Variants in CFDP1 observed in about 807,000 individuals in gnomAD.
The protein encoded by CFDP1 is chromatin remodeling protein CFDP1, also known as heterochromatin-stabilizing protein CFDP1.
Under a neutral mutation model 40.1 loss-of-function variants are expected in CFDP1, and 31 were observed. The ratio of observed to expected loss-of-function variants is 0.77; its 90% confidence interval spans 0.58 to 1.04. The LOEUF (loss-of-function observed/expected upper bound fraction) is 1.04, where lower values mean the gene tolerates loss of function less well. Among genes scored for constraint, CFDP1 ranks in the 50% least tolerant of loss-of-function variants. The pLI is 0.00. For missense variants in CFDP1, 423 were observed against 343.4 expected (o/e 1.23, Z -1.83); for synonymous variants, 167 against 120.0 (o/e 1.39, Z -2.56).
chr16:75,318,426 G>C (rs1386105298), intron 5 of CFDP1, among the ~76,000 whole-genome samples: 1 of 132,610 alleles, frequency 7.5e-6, no homozygotes, highest in Non-Finnish European at 1.6e-5. Flanking sequence ...TTTTTTTTGA[G>C]ATGAAGTCTC....
intron 5 of CFDP1, among the ~76,000 whole-genome samples, chr16:75,352,092 G>A (rs954064588): frequency 2.7e-5 from 4 of 150,440 alleles, no homozygotes; most frequent in African/African-American, 7.4e-5. Flanking sequence ...TGTAATCCCA[G>A]CACTCCGGGA....
Position 75,395,056 on chromosome 16 carries a change from C to G in CFDP1, c.650+34G>C, listed in dbSNP as rs370355535. On this transcript the variant is annotated intron_variant, in intron 5 of 6. Coordinates refer to ENST00000283882, the MANE Select transcript of CFDP1 (RefSeq NM_006324.3). ...TGCACTGAAAGCTTCTCCAACGTGC[C>G]AAGTACATCAGGGAGTGAGACTCAA... is the stretch of plus-strand genomic sequence containing the variant. 1.4e-5 allele frequency: 23 copies of G among 1,611,964 alleles called. No homozygotes were observed. In the African/African-American group the frequency reaches 2.8e-4, roughly 20 times the overall value.
chr16:75,349,220 C>G (rs2078590631), intron 5 of CFDP1, among the ~76,000 whole-genome samples: 1 of 151,968 alleles, frequency 6.6e-6, no homozygotes. Flanking sequence ...TATAGAAATA[C>G]AGTTCTTAGG....
intron 1 of CFDP1, among the ~76,000 whole-genome samples, chr16:75,424,311 C>G (rs1418144048): frequency 6.6e-6 from 1 of 152,134 alleles, no homozygotes; most frequent in Admixed American, 6.6e-5. Context: ...ACAATTAGCA[C>G]GTACAGTGTT....
At chr16:75,377,597 G>A (rs1388491237) in intron 5 of CFDP1, among the ~76,000 whole-genome samples, 1 of 152,196 alleles carries the variant, frequency 6.6e-6, no homozygotes, top group African/African-American at 2.4e-5. Flanking sequence ...GAGAAGATAT[G>A]AAAAAGACTC....
intron 5 of CFDP1, among the ~76,000 whole-genome samples, chr16:75,381,514 G>A (rs2078851965): frequency 6.6e-6 from 1 of 152,220 alleles, no homozygotes; most frequent in Non-Finnish European, 1.5e-5. Context: ...TGAGGTTGGG[G>A]CTCAACTACT....
intron 5 of CFDP1, among the ~76,000 whole-genome samples, chr16:75,368,057 T>C (rs1446288983): frequency 6.6e-6 from 1 of 152,122 alleles, no homozygotes; most frequent in Non-Finnish European, 1.5e-5. Context: ...TGAGCCAAGA[T>C]CGCACCGTGC....
intron 1 of CFDP1, among the ~76,000 whole-genome samples, chr16:75,422,184 C>G (rs1049902081): frequency 2.6e-5 from 4 of 152,084 alleles, no homozygotes; most frequent in African/African-American, 9.7e-5. Flanking sequence ...GCAACCTCTG[C>G]CTCCCGTGTT....
intron 5 of CFDP1, among the ~76,000 whole-genome samples, chr16:75,375,906 G>C (rs1188312159): frequency 6.6e-6 from 1 of 152,140 alleles, no homozygotes; most frequent in Non-Finnish European, 1.5e-5. Flanking sequence ...TTGAGGAACT[G>C]TTTGGCAGTT....
Position 75,358,782 on chromosome 16 carries a change from G to A in CFDP1, c.650+36308C>T, listed in dbSNP as rs34842690. On this transcript the variant is annotated intron_variant, in intron 5 of 6. Coordinates refer to ENST00000283882, the MANE Select transcript of CFDP1 (RefSeq NM_006324.3). ...ATCTGCTGGCAGTGATAAATTCTGA[G>A]CTTTAGAATTTTGGAAAACTTGTTG... 9.3e-3 allele frequency among the ~76,000 whole-genome samples: 1,414 copies of A among 152,212 alleles called. 13 individuals are homozygous for A. The highest frequency in any genetic ancestry group is 0.015 in the Non-Finnish European group (1,022 of 68,020).
chr16:75,376,648 C>G (rs1459099724), intron 5 of CFDP1, among the ~76,000 whole-genome samples: 1 of 152,142 alleles, frequency 6.6e-6, no homozygotes. Flanking sequence ...TCATACTATA[C>G]CTTATCTTGG....
chr16:75,305,123 T>A lies in CFDP1; in HGVS notation c.710A>T (p.Lys237Ile). The A allele has an allele frequency of 6.2e-7, 1 of 1,614,212 alleles. No homozygotes were observed. Among genetic ancestry groups the A allele is most frequent in the East Asian group, 2.2e-5 (1 of 44,892 alleles). The change falls in exon 6 of 7, where the codon AAA (lysine) becomes ATA (isoleucine). Residue 237 changes from lysine (K) to isoleucine (I), a missense_variant. By Grantham distance (102) the Lys-to-Ile change is moderately radical. Coordinates refer to ENST00000283882, the MANE Select transcript of CFDP1 (RefSeq NM_006324.3). ...LLGKIGAKKQ[K>I]MSTLEKSKLD... ...TTTGGACTTCTCAAGGGTGCTCATT[T>A]TCTGCTTCTTGGCACCAATTTTCCC...
intron 5 of CFDP1, among the ~76,000 whole-genome samples, chr16:75,368,254 T>C (rs1174886344): frequency 1.3e-5 from 2 of 152,236 alleles, no homozygotes; most frequent in African/African-American, 4.8e-5. Context: ...TTATTATTTT[T>C]AGATGTAATA....
chr16:75,408,880 CAG>C (rs1465029019), intron 4 of CFDP1, among the ~76,000 whole-genome samples: 4 of 151,896 alleles, frequency 2.6e-5, no homozygotes, highest in African/African-American at 9.7e-5. Context: ...TGTTTTGAGA[CAG>C]AGTCTCGCTC....
intron 5 of CFDP1, among the ~76,000 whole-genome samples, chr16:75,369,397 C>A (rs962724988): frequency 1.1e-4 from 16 of 150,340 alleles, no homozygotes; most frequent in East Asian, 2.0e-4. Context: ...AAAACAAAAA[C>A]AAAACAACCC....
At chr16:75,395,652 C>G (rs1341663353) in intron 4 of CFDP1, among the ~76,000 whole-genome samples, 2 of 151,870 alleles carry the variant, frequency 1.3e-5, no homozygotes, top group Admixed American at 6.6e-5. Flanking sequence ...GCACGAGACA[C>G]CGTCTCAAAA....
At chr16:75,332,572 T>C (rs1039574687) in intron 5 of CFDP1, among the ~76,000 whole-genome samples, 1 of 151,810 alleles carries the variant, frequency 6.6e-6, no homozygotes, top group Admixed American at 6.6e-5. Context: ...GAGGCTGAAG[T>C]GGGAGTATCC....
At chr16:75,318,609 T>A (rs373356143) in intron 5 of CFDP1, among the ~76,000 whole-genome samples, 2 of 152,126 alleles carry the variant, frequency 1.3e-5, no homozygotes, top group African/African-American at 4.8e-5. Context: ...TTTCACCGTG[T>A]TAGCCAGGAT....
intron 5 of CFDP1, 84 bp downstream of exon 5, chr16:75,395,006 C>A (rs916885544): frequency 1.0e-5 from 16 of 1,524,112 alleles, no homozygotes; most frequent in Non-Finnish European, 1.4e-5. Flanking sequence ...GGCAAGGAGT[C>A]TGATCTGCAG....
Sources: allele counts gnomAD v4.1 joint callset (sites outside exome capture counted in the v4.1 genomes callset), GRCh38; gene constraint gnomAD v4.1.1; transcripts MANE v1.5; gene names NCBI Gene and HGNC (gene_info 2026-07-23, HGNC 2026-07-21).